PIK3AP1: variants seen among roughly 807,000 people sequenced by gnomAD.
PIK3AP1 encodes the protein phosphoinositide 3-kinase adapter protein 1.
PIK3AP1 carries 21 observed loss-of-function variants against 88.1 expected under a neutral mutation model. The ratio of observed to expected loss-of-function variants is 0.24; its 90% confidence interval spans 0.17 to 0.34. PIK3AP1 has a LOEUF of 0.34. Ranked by LOEUF, PIK3AP1 falls within the 10% of genes least tolerant of loss-of-function variation. PIK3AP1 has a pLI of 1.00. For synonymous variants in PIK3AP1, 398 were observed against 400.0 expected (o/e 1.00, Z 0.06); for missense variants, 828 against 1,035.7 (o/e 0.80, Z 2.75).
intron 16 of PIK3AP1, among the ~76,000 whole-genome samples, chr10:96,598,512 T>G (rs1222137415): frequency 1.3e-5 from 2 of 152,144 alleles, no homozygotes; most frequent in Non-Finnish European, 2.9e-5. Context: ...ACCTTTTAAG[T>G]TCCTAGTATG....
rs751076536 is a variant in PIK3AP1, at chr10:96,651,556, C to T, written c.808G>A (p.Gly270Arg). 1.9e-6 allele frequency: 3 copies of T among 1,614,162 alleles called. No homozygotes were observed. The highest frequency in any genetic ancestry group is 2.5e-6 in the Non-Finnish European group (3 of 1,180,024). The change falls in exon 5 of 17, where the codon GGG becomes AGG. Residue 270 changes from glycine (G) to arginine (R), a missense_variant. Gly to Arg is a moderately radical substitution (Grantham distance 125). This residue lies in a region of PIK3AP1 where 610 missense variants were observed against 760.1 expected (regional missense o/e 0.80). Coordinates refer to ENST00000339364, the MANE Select transcript of PIK3AP1 (RefSeq NM_152309.3). ...ISYYTDMEEI[G>R]NLLSNAANPV... ...TTCGCGGCATTGGACAATAAATTCCCAATTTCTTCCATGTCAGTATAATAG... is the reference window on the plus strand; with the variant it reads ...TTCGCGGCATTGGACAATAAATTCCTAATTTCTTCCATGTCAGTATAATAG...
intron 7 of PIK3AP1, among the ~76,000 whole-genome samples, chr10:96,646,167 T>A (rs1843456961): frequency 6.6e-6 from 1 of 151,656 alleles, no homozygotes; most frequent in Non-Finnish European, 1.5e-5. Flanking sequence ...GGCCGAGGCA[T>A]GAGAATTGCT....
intron 2 of PIK3AP1, among the ~76,000 whole-genome samples, chr10:96,658,063 CAA>C (rs10706863): frequency 0.013 from 1,477 of 113,862 alleles, 20 homozygotes; most frequent in African/African-American, 0.044. Context: ...AACTCCATCT[CAA>C]AAAAAAAAAA....
chr10:96,705,884 GTTTTTTTTTTTTTTTT>G (rs964917515), intron 2 of PIK3AP1, among the ~76,000 whole-genome samples: 5 of 60,966 alleles, frequency 8.2e-5, no homozygotes, highest in Non-Finnish European at 1.5e-4. Flanking sequence ...CCAGCCAGTT[GTTTTTTTTTTTTTTTT>G]TTTTTTTTTT....
intron 2 of PIK3AP1, among the ~76,000 whole-genome samples, chr10:96,703,915 C>G (rs1844330147): frequency 6.6e-6 from 1 of 152,176 alleles, no homozygotes; most frequent in African/African-American, 2.4e-5. Context: ...CTGGCTGATC[C>G]AACACACTGA....
At chr10:96,625,289 G>A (rs1843139842) in intron 10 of PIK3AP1, among the ~76,000 whole-genome samples, 1 of 152,168 alleles carries the variant, frequency 6.6e-6, no homozygotes, top group Non-Finnish European at 1.5e-5. Flanking sequence ...GGTGCCAGAG[G>A]AAGCCCTCAG....
Position 96,720,331 on chromosome 10 carries a change from G to C in PIK3AP1, c.13+51C>G. 8.0e-7 allele frequency: 1 copy of C among 1,242,470 alleles called. No homozygotes were observed. Among genetic ancestry groups the C allele is most frequent in the East Asian group, 3.2e-5 (1 of 31,680 alleles). 77.0% of individuals were successfully genotyped at this position (1,242,470 alleles called of 1,614,324 possible). A position where few individuals can be genotyped will look rare whatever the true frequency, so the allele number is the denominator to read the frequency against. On this transcript the variant is annotated intron_variant, in intron 1 of 16. Coordinates refer to ENST00000339364, the MANE Select transcript of PIK3AP1 (RefSeq NM_152309.3). This position sits in a 1 kb window ranked among gnomAD's most constrained non-coding sequence, Gnocchi z 4.6. ...GGGAGCGCGCCTCAAGGGATGCGGG[G>C]TACGAGAGAGGGGCCGGGAGCCCGG... is the stretch of plus-strand genomic sequence containing the variant.
intron 13 of PIK3AP1, among the ~76,000 whole-genome samples, chr10:96,612,547 T>C (rs1452140150): frequency 6.6e-6 from 1 of 152,166 alleles, no homozygotes; most frequent in African/African-American, 2.4e-5. Context: ...TATAATGTTA[T>C]CGTGTGTCAA....
intron 2 of PIK3AP1, among the ~76,000 whole-genome samples, chr10:96,679,164 A>G (rs771455976): frequency 6.6e-6 from 1 of 152,140 alleles, no homozygotes; most frequent in Admixed American, 6.5e-5. Context: ...ATCATGGTCA[A>G]CCTCTACTTG....
intron 15 of PIK3AP1, among the ~76,000 whole-genome samples, chr10:96,603,190 T>G (rs938286060): frequency 2.0e-5 from 3 of 152,236 alleles, no homozygotes; most frequent in African/African-American, 4.8e-5. Flanking sequence ...TAACATAAAC[T>G]TAACCATTTT....
At chr10:96,641,966 C>A (rs1014267573) in intron 8 of PIK3AP1, among the ~76,000 whole-genome samples, 1 of 152,154 alleles carries the variant, frequency 6.6e-6, no homozygotes, top group Non-Finnish European at 1.5e-5. Context: ...CCTACAGAGC[C>A]ACTGTTAGTA....
chr10:96,698,010 C>T (rs948018792), intron 2 of PIK3AP1, among the ~76,000 whole-genome samples: 4 of 152,172 alleles, frequency 2.6e-5, no homozygotes, highest in African/African-American at 9.7e-5. Flanking sequence ...AAGAGAACTG[C>T]TTGGTTCTCT....
At position 96,623,627 on chromosome 10, in the gene PIK3AP1, G is replaced by A. The variant is rs1055591425; in HGVS notation, c.1670-90C>T. Reference sequence around the variant, plus strand: ...TAATGAATCCATACCTAGGACCACCGTATGTGGTTCTGTAAATCAAAATTG... The same window carrying A: ...TAATGAATCCATACCTAGGACCACCATATGTGGTTCTGTAAATCAAAATTG... On this transcript the variant is annotated intron_variant, in intron 10 of 16. Transcript: ENST00000339364. 4.7e-5 allele frequency: 53 copies of A among 1,123,884 alleles called. No homozygotes were observed. In the Admixed American group the frequency reaches 5.5e-4, roughly 12 times the overall value. The allele number at this position is 1,123,884 out of a possible 1,614,324, so 69.6% of individuals were successfully genotyped here.
intron 1 of PIK3AP1, among the ~76,000 whole-genome samples, chr10:96,715,205 TATC>T (rs1844486535): frequency 6.6e-6 from 1 of 151,950 alleles, no homozygotes; most frequent in Admixed American, 6.6e-5. Context: ...TGGGAAAAAA[TATC>T]ATACAAATCC....
At chr10:96,667,687 A>G (rs528286741) in intron 2 of PIK3AP1, among the ~76,000 whole-genome samples, 1 of 152,288 alleles carries the variant, frequency 6.6e-6, no homozygotes, top group East Asian at 1.9e-4. Flanking sequence ...ATGATAAAGG[A>G]TTTTTTAAGA....
At position 96,602,393 on chromosome 10, in the gene PIK3AP1, A is replaced by G. The variant is rs1848914960; in HGVS notation, c.2247T>C (p.Asn749=). ...GACTTCTGGTAACCTCAGGGACTTC[A>G]TTATCCTACAGCAAAGAAGATGAGA... ...SSGMEGDNED[N]EVPEVTRSRS... Residue 749 remains asparagine (N), a synonymous_variant, in exon 16 of 17, where the codon AAT becomes AAC. Transcript: ENST00000339364. 2 of 1,609,938 alleles carry G rather than the reference A, an allele frequency of 1.2e-6. No individual in the cohort carries two copies. The highest frequency in any genetic ancestry group is 1.7e-6 in the Non-Finnish European group (2 of 1,176,706).
At chr10:96,633,468 C>G (rs1300324345) in intron 8 of PIK3AP1, among the ~76,000 whole-genome samples, 1 of 152,224 alleles carries the variant, frequency 6.6e-6, no homozygotes, top group African/African-American at 2.4e-5. Flanking sequence ...TAGTACGTAT[C>G]TCCCAGGTTT....
chr10:96,670,587 C>G (rs928183141), intron 2 of PIK3AP1, among the ~76,000 whole-genome samples: 1 of 152,018 alleles, frequency 6.6e-6, no homozygotes, highest in Non-Finnish European at 1.5e-5. Context: ...GAAACACCTT[C>G]TATATGGGGG....
At chr10:96,617,708 G>A (rs1238089665) in intron 12 of PIK3AP1, among the ~76,000 whole-genome samples, 1 of 152,174 alleles carries the variant, frequency 6.6e-6, no homozygotes, top group Non-Finnish European at 1.5e-5. Flanking sequence ...GACCAAGCAG[G>A]ACACACCGCT....
Sources: allele counts gnomAD v4.1 joint callset (sites outside exome capture counted in the v4.1 genomes callset), GRCh38; gene constraint gnomAD v4.1.1; regional missense constraint gnomAD v4.1.1; non-coding constraint Gnocchi (gnomAD v3.1); transcripts MANE v1.5; gene names NCBI Gene and HGNC (gene_info 2026-07-23, HGNC 2026-07-21).